The following PCDHA4 variants were observed in gnomAD, a reference collection of about 807,000 sequenced individuals.
The protein encoded by PCDHA4 is protocadherin alpha-4.
A neutral mutation model predicts 61.4 loss-of-function variants in PCDHA4; 49 were observed. The observed-to-expected ratio is 0.80, with a 90% CI of 0.63 to 1.01. The LOEUF (loss-of-function observed/expected upper bound fraction) is 1.01, where lower values mean the gene tolerates loss of function less well. PCDHA4 is among the 50% of genes least tolerant of loss of function. The pLI, the probability that PCDHA4 is intolerant of heterozygous loss-of-function variation, is 0.00. For synonymous variants in PCDHA4, 590 were observed against 550.3 expected (o/e 1.07, Z -1.01); for missense variants, 1,254 against 1,235.8 (o/e 1.01, Z -0.22).
At position 140,807,259 on chromosome 5, in the gene PCDHA4, G is replaced by A. The variant is rs138132729; in HGVS notation, c.72G>A (p.Trp24Ter). 5.7e-5 allele frequency: 92 copies of A among 1,614,092 alleles called. No homozygotes were observed. The highest frequency in any genetic ancestry group is 7.4e-5 in the Non-Finnish European group (87 of 1,180,052). The stretch of plus-strand genomic sequence containing the variant: ...TCTTACTTCTTCTCCTCGCAGCCTG[G>A]GAGGCAGGGAACGGTCAGCTCCACT... ...LLLLLLLLAA[W>*]EAGNGQLHYS... Residue 24 changes from tryptophan (W) to a stop codon, truncating the protein, a stop_gained, in exon 1 of 4, where the codon TGG (tryptophan) becomes TGA (stop). Transcript: ENST00000530339. LOFTEE classifies it high-confidence loss of function.
chr5:140,994,772 G>C (rs2097648880), intron 3 of PCDHA4, among the ~76,000 whole-genome samples: 2 of 152,118 alleles, frequency 1.3e-5, no homozygotes, highest in Non-Finnish European at 1.5e-5. Context: ...GAGAATTCCA[G>C]GCAAAGGAAA....
chr5:140,959,538 A>G (rs1310965047), intron 1 of PCDHA4, among the ~76,000 whole-genome samples: 1 of 152,204 alleles, frequency 6.6e-6, no homozygotes, highest in Non-Finnish European at 1.5e-5. Flanking sequence ...TAATTCAGAG[A>G]TGCTGTATAA....
At chr5:140,928,356 C>A in intron 1 of PCDHA4, 1 of 1,614,176 alleles carries the variant, frequency 6.2e-7, no homozygotes, top group South Asian at 1.1e-5. Context: ...TGGATGTTAT[C>A]TCTGAAGGGC....
chr5:140,830,021 C>A lies in PCDHA4; in HGVS notation c.2385+20449C>A, dbSNP rs2150179777. ...TGTCCTGGACGAAGCGGACTCTCCG[C>A]GCCACCGGCTGCTGGTGCTGGTGAA... On this transcript the variant is annotated intron_variant, in intron 1 of 3. Transcript: ENST00000530339. 4.3e-6 allele frequency: 7 copies of A among 1,613,920 alleles called. 1 individual carries two copies. Among genetic ancestry groups the A allele is most frequent in the Non-Finnish European group, 5.9e-6 (7 of 1,179,918 alleles).
chr5:140,920,745 G>T (rs2079798907), intron 1 of PCDHA4, among the ~76,000 whole-genome samples: 1 of 151,878 alleles, frequency 6.6e-6, no homozygotes, highest in Admixed American at 6.6e-5. Flanking sequence ...TCAGGAGGCT[G>T]AGGCAGGAGA....
intron 1 of PCDHA4, among the ~76,000 whole-genome samples, chr5:140,946,305 T>C (rs1484740423): frequency 6.6e-6 from 1 of 151,868 alleles, no homozygotes; most frequent in East Asian, 1.9e-4. Flanking sequence ...CCTGGTAGAA[T>C]GGCTATTATT....
chr5:140,972,260 C>T (rs155805), intron 1 of PCDHA4, among the ~76,000 whole-genome samples: 8,116 of 151,624 alleles, frequency 0.054, 294 homozygotes, highest in Middle Eastern at 0.15. Flanking sequence ...ACACATCAGC[C>T]TCCTGAGTAG....
chr5:140,819,370 A>T (rs2150104034), intron 1 of PCDHA4, among the ~76,000 whole-genome samples: 1 of 152,290 alleles, frequency 6.6e-6, no homozygotes, highest in East Asian at 1.9e-4. Context: ...TTCTTGTGTT[A>T]GTATATTTCT....
chr5:140,874,129 GTTATC>G (rs1339746498), intron 1 of PCDHA4, among the ~76,000 whole-genome samples: 2 of 151,518 alleles, frequency 1.3e-5, no homozygotes, highest in Non-Finnish European at 2.9e-5. Flanking sequence ...GTTTATTTAA[GTTATC>G]TTATACTTGT....
intron 1 of PCDHA4, among the ~76,000 whole-genome samples, chr5:140,912,063 A>C (rs1458411803): frequency 6.6e-6 from 1 of 152,214 alleles, no homozygotes; most frequent in Non-Finnish European, 1.5e-5. Context: ...CTTGGAGTCC[A>C]ATGTTCAAGG....
intron 1 of PCDHA4, among the ~76,000 whole-genome samples, chr5:140,907,290 G>T (rs1554192922): frequency 1.3e-5 from 2 of 152,200 alleles, no homozygotes; most frequent in East Asian, 3.8e-4. Context: ...CAATCCAGCT[G>T]CTTCAGGATG....
At chr5:140,870,279 T>C (rs1047130885) in intron 1 of PCDHA4, 3 of 1,614,120 alleles carry the variant, frequency 1.9e-6, no homozygotes, top group Non-Finnish European at 2.5e-6. Context: ...CGCCCCACGT[T>C]CCCTTCAAGC....
chr5:140,869,588 T>TC, intron 1 of PCDHA4: 1 of 1,614,114 alleles, frequency 6.2e-7, no homozygotes. Context: ...GATGCTGACA[T>TC]TGAAGAGAAT....
chr5:140,869,485 G>T (rs782005031), intron 1 of PCDHA4: 8 of 1,614,158 alleles, frequency 5.0e-6, no homozygotes, highest in Non-Finnish European at 6.8e-6. Flanking sequence ...GGACATTAAC[G>T]ACAACCCGCC....
chr5:140,998,003 T>C (rs2097793100), intron 3 of PCDHA4, among the ~76,000 whole-genome samples: 1 of 152,134 alleles, frequency 6.6e-6, no homozygotes, highest in Admixed American at 6.6e-5. Context: ...CCTCTGAGCC[T>C]TCCATCCCCA....
chr5:140,824,954 A>G (rs1230853437), intron 1 of PCDHA4: 1 of 152,086 alleles, frequency 6.6e-6, no homozygotes, highest in East Asian at 1.9e-4. Context: ...TAAAAATTAT[A>G]TTTTTCATTT....
intron 1 of PCDHA4, among the ~76,000 whole-genome samples, chr5:140,913,425 G>A (rs919355007): frequency 1.1e-4 from 16 of 152,094 alleles, no homozygotes; most frequent in African/African-American, 1.2e-4. Context: ...AGTATCAGTT[G>A]TAATGCCTCC....
intron 1 of PCDHA4, among the ~76,000 whole-genome samples, chr5:140,872,762 G>A (rs545441914): frequency 6.6e-6 from 1 of 152,066 alleles, no homozygotes; most frequent in African/African-American, 2.4e-5. Flanking sequence ...ATGCATATAG[G>A]GCTATATTAT....
intron 1 of PCDHA4, chr5:140,848,593 A>T: frequency 1.3e-6 from 2 of 1,593,964 alleles, no homozygotes; most frequent in Non-Finnish European, 1.7e-6. Context: ...CAGCTCCACT[A>T]CTCCGTCCCG....
Sources: gnomAD v4.1 joint callset for allele counts (sites outside exome capture counted in the v4.1 genomes callset) on GRCh38, gnomAD v4.1.1 for gene constraint, MANE v1.5 for transcripts, NCBI Gene and HGNC (gene_info 2026-07-23, HGNC 2026-07-21) for gene names.